ALMS1: variants seen among roughly 807,000 people sequenced by gnomAD.
ALMS1 encodes centrosome-associated protein ALMS1.
In ALMS1, 271 loss-of-function variants were observed where a neutral mutation model predicts 352.2. The ratio of observed to expected loss-of-function variants is 0.77; its 90% CI spans 0.70 to 0.85. ALMS1 has a LOEUF of 0.85. Ranked by LOEUF, ALMS1 falls within the 40% of genes least tolerant of loss-of-function variation. The probability of loss-of-function intolerance (pLI) is 0.00; values close to 1 mark genes in which losing one functional copy is unlikely to be tolerated. For missense variants in ALMS1, 5,445 were observed against 4,870.7 expected (o/e 1.12, Z -3.51); for synonymous variants, 1,865 against 1,761.2 (o/e 1.06, Z -1.48).
At chr2:73,506,328 G>A (rs878859243) in intron 10 of ALMS1, among the ~76,000 whole-genome samples, 1 of 152,176 alleles carries the variant, frequency 6.6e-6, no homozygotes. Context: ...TGTGAAGAAA[G>A]TCAATGGTAG....
At chr2:73,417,899 AT>A (rs1303135291) in intron 2 of ALMS1, among the ~76,000 whole-genome samples, 1 of 152,196 alleles carries the variant, frequency 6.6e-6, no homozygotes, top group Non-Finnish European at 1.5e-5. Flanking sequence ...CAGCATTGTT[AT>A]TTAGTGTGAT....
chr2:73,578,009 A>G (rs184043924), intron 16 of ALMS1, among the ~76,000 whole-genome samples: 3 of 152,008 alleles, frequency 2.0e-5, no homozygotes, highest in South Asian at 2.1e-4. Context: ...GGAACTATCT[A>G]TTTCTCCATT....
intron 11 of ALMS1, 118 bp downstream of exon 11, chr2:73,520,134 T>C: frequency 7.8e-7 from 1 of 1,286,300 alleles, no homozygotes; most frequent in South Asian, 1.2e-5. Flanking sequence ...AGAATTAGGG[T>C]CCATATGATT....
At chr2:73,480,139 A>G (rs1310095345) in intron 9 of ALMS1, among the ~76,000 whole-genome samples, 2 of 151,830 alleles carry the variant, frequency 1.3e-5, no homozygotes, top group East Asian at 1.9e-4. Context: ...GGTTAGTTAC[A>G]TATGTATACA....
At chr2:73,511,455 C>A (rs557705919) in intron 10 of ALMS1, among the ~76,000 whole-genome samples, 1 of 151,664 alleles carries the variant, frequency 6.6e-6, no homozygotes, top group Non-Finnish European at 1.5e-5. Context: ...CCGAATGAGG[C>A]GACACCCCCA....
At chr2:73,597,854 C>T (rs1237775172) in intron 16 of ALMS1, among the ~76,000 whole-genome samples, 1 of 151,954 alleles carries the variant, frequency 6.6e-6, no homozygotes, top group African/African-American at 2.4e-5. Flanking sequence ...TACAATTGCC[C>T]CTACTAAACA....
Position 73,409,185 on chromosome 2 carries a change from A to G in ALMS1, c.450+438A>G, listed in dbSNP as rs570642878. On this transcript the variant is annotated intron_variant, in intron 2 of 22. Transcript: ENST00000613296. ...GCCACCACTCTTGGCCAAATATTCT[A>G]TTTTTCTAATAGATTGTTGTAAACT... Among the ~76,000 whole-genome samples, 24 of 151,816 alleles carry G rather than the reference A, an allele frequency of 1.6e-4. No homozygotes were observed. The East Asian group carries it at 4.4e-3, about 28-fold the overall frequency.
Position 73,511,446 on chromosome 2 carries a change from C to T in ALMS1, c.9540-8329C>T, listed in dbSNP as rs190368590. On this transcript the variant is annotated intron_variant, in intron 10 of 22. Coordinates refer to ENST00000613296, the MANE Select transcript of ALMS1 (RefSeq NM_001378454.1). ...GAGTTCCCCAACCCGTTGTGCTTCC[C>T]GAATGAGGCGACACCCCCACCCTGC... Among the ~76,000 whole-genome samples, 364 of 151,850 alleles carry T rather than the reference C, an allele frequency of 2.4e-3. 1 individual carries two copies. Among genetic ancestry groups the T allele is most frequent in the African/African-American group, 8.0e-3 (331 of 41,246 alleles).
Position 73,450,991 on chromosome 2 carries a change from G to A in ALMS1, c.4464G>A (p.Gln1488=), listed in dbSNP as rs770845249. 14 of 1,613,914 alleles carry A rather than the reference G, an allele frequency of 8.7e-6. No individual in the cohort carries two copies. The highest frequency in any genetic ancestry group is 1.3e-5 in the African/African-American group (1 of 74,968). The change falls in exon 8 of 23, where the codon CAG becomes CAA. Residue 1488 remains glutamine, a synonymous_variant. Transcript: ENST00000613296. The part of the protein sequence containing the change: ...FGEKPIVIYK[Q]AFPEGHLPEE... Reference sequence around the variant, plus strand: ...AGAAGCCCATTGTTATCTACAAACAGGCCTTTCCAGAGGGTCATCTACCTG... The same window carrying A: ...AGAAGCCCATTGTTATCTACAAACAAGCCTTTCCAGAGGGTCATCTACCTG...
intron 4 of ALMS1, among the ~76,000 whole-genome samples, chr2:73,424,146 A>G (rs1382708165): frequency 6.6e-6 from 1 of 152,184 alleles, no homozygotes; most frequent in East Asian, 1.9e-4. Context: ...ATGAAAAATC[A>G]TGGTAGGCGT....
intron 16 of ALMS1, among the ~76,000 whole-genome samples, chr2:73,595,786 G>GT (rs1391480393): frequency 6.6e-6 from 1 of 152,172 alleles, no homozygotes; most frequent in Non-Finnish European, 1.5e-5. Flanking sequence ...CCACTTCCTT[G>GT]TCAACACTTG....
intron 16 of ALMS1, among the ~76,000 whole-genome samples, chr2:73,583,599 A>G (rs951303863): frequency 9.9e-5 from 15 of 152,144 alleles, no homozygotes; most frequent in African/African-American, 3.6e-4. Context: ...CTTTTTCTGT[A>G]AGAGTTATAT....
At chr2:73,412,279 A>C (rs1671094355) in intron 2 of ALMS1, among the ~76,000 whole-genome samples, 1 of 152,212 alleles carries the variant, frequency 6.6e-6, no homozygotes, top group Admixed American at 6.5e-5. Flanking sequence ...GTCCCTGGCA[A>C]CTACTTATCC....
chr2:73,516,588 C>T (rs68154245), intron 10 of ALMS1, among the ~76,000 whole-genome samples: 20,436 of 152,222 alleles, frequency 0.13, 1,447 homozygotes, highest in East Asian at 0.22. Context: ...TTTTCAACAA[C>T]TAAATATTGT....
upstream of ALMS1, chr2:73,385,789 C>CA (rs1252212974): frequency 4.4e-5 from 28 of 630,200 alleles, no homozygotes; most frequent in Non-Finnish European, 6.8e-5. Context: ...AGCTGGGCCA[C>CA]AACCGCCAGT....
chr2:73,601,373 G>A lies in ALMS1; in HGVS notation c.12051G>A (p.Leu4017=). Reference sequence around the variant, plus strand: ...AGCACCTGGACGGTCGGGGCTACCTGGCAGGCCCAGGCAGAGAGGCTGGCA... The same window carrying A: ...AGCACCTGGACGGTCGGGGCTACCTAGCAGGCCCAGGCAGAGAGGCTGGCA... ...QGQHLDGRGY[L]AGPGREAGRD... Residue 4017 remains leucine (L), a synonymous_variant, in exon 19 of 23, where the codon CTG becomes CTA. Transcript: ENST00000613296. The A allele has an allele frequency of 6.2e-7, 1 of 1,614,142 alleles. No individual in the cohort carries two copies. Among genetic ancestry groups the A allele is most frequent in the Middle Eastern group, 1.6e-4 (1 of 6,062 alleles).
intron 12 of ALMS1, among the ~76,000 whole-genome samples, chr2:73,539,866 C>G (rs1010264724): frequency 6.6e-6 from 1 of 152,128 alleles, no homozygotes; most frequent in Non-Finnish European, 1.5e-5. Context: ...AAATATGAGA[C>G]TATATGAAAC....
At position 73,419,119 on chromosome 2, in the gene ALMS1, C is replaced by G. The variant is rs761589577; in HGVS notation, c.451-4C>G. 4.4e-5 allele frequency: 71 copies of G among 1,611,932 alleles called. No individual in the cohort carries two copies. The highest frequency in any genetic ancestry group is 5.9e-5 in the Non-Finnish European group (69 of 1,178,366). The stretch of plus-strand genomic sequence containing the variant: ...TAGCATGTTTTCCTTTAACATTTTT[C>G]TAGAAAACAGAATCTTGGCATTGTC... On this transcript the variant is annotated splice_region_variant and splice_polypyrimidine_tract_variant and intron_variant, in intron 2 of 22. Coordinates refer to ENST00000613296, the MANE Select transcript of ALMS1 (RefSeq NM_001378454.1).
chr2:73,424,155 G>A (rs924773485), intron 4 of ALMS1, among the ~76,000 whole-genome samples: 1 of 152,104 alleles, frequency 6.6e-6, no homozygotes, highest in Non-Finnish European at 1.5e-5. Context: ...CATGGTAGGC[G>A]TCATTATGAA....
Sources: gnomAD v4.1 joint callset for allele counts (sites outside exome capture counted in the v4.1 genomes callset) on GRCh38, gnomAD v4.1.1 for gene constraint, MANE v1.5 for transcripts, NCBI Gene and HGNC (gene_info 2026-07-23, HGNC 2026-07-21) for gene names.